SREBF2: variants seen among roughly 807,000 people sequenced by gnomAD.
SREBF2 encodes sterol regulatory element binding transcription factor 2.
A neutral mutation model predicts 113.1 loss-of-function variants in SREBF2; 55 were observed. That is an observed-to-expected ratio of 0.49 (90% CI 0.39 to 0.61). The LOEUF (loss-of-function observed/expected upper bound fraction) is 0.61, where lower values mean the gene tolerates loss of function less well. Ranked by LOEUF, SREBF2 falls within the 20% of genes least tolerant of loss-of-function variation. SREBF2 has a pLI of 0.00. For synonymous variants in SREBF2, 593 were observed against 605.7 expected, an observed-to-expected ratio of 0.98 and a Z score of 0.31; for missense variants, 1,349 against 1,487.4, an observed-to-expected ratio of 0.91 and a Z score of 1.53.
intron 11 of SREBF2, chr22:41,886,158 G>C (rs1408625573): frequency 6.6e-6 from 1 of 152,228 alleles, no homozygotes; most frequent in Non-Finnish European, 1.5e-5. Flanking sequence ...GGAGGACTGG[G>C]CTCCAGGTGG....
In SREBF2 at chr22:41,883,090, A is replaced by G. The variant is rs558952361; in HGVS notation, c.2039-1752A>G. ...TGTGCCACTGCACATGCATGCAGAGATGAACAGATAGAGGATGGGGAGTCA... is the reference window on the plus strand; with the variant it reads ...TGTGCCACTGCACATGCATGCAGAGGTGAACAGATAGAGGATGGGGAGTCA... On this transcript the variant is annotated intron_variant, in intron 10 of 18. Transcript: ENST00000361204. Among the ~76,000 whole-genome samples, 42 of 152,328 alleles carry G rather than the reference A, an allele frequency of 2.8e-4. No individual in the cohort carries two copies. In the South Asian group the frequency reaches 6.8e-3, roughly 25 times the overall value.
chr22:41,893,094 C>T (rs1367843765), intron 11 of SREBF2, 23 bp from the exon 12 acceptor site: 1 of 1,611,948 alleles, frequency 6.2e-7, no homozygotes, highest in Non-Finnish European at 8.5e-7. Context: ...TTGGTGTTAC[C>T]CCTGGTCCTT....
rs764016168 is a variant in SREBF2, at chr22:41,894,934, G to A, written c.2492G>A (p.Ser831Asn). The A allele has an allele frequency of 6.2e-7, 1 of 1,613,558 alleles. No homozygotes were observed. Among genetic ancestry groups the A allele is most frequent in the Non-Finnish European group, 8.5e-7 (1 of 1,179,650 alleles). ...KKKAGDQEEE[S>N]CEFSSALEYL... Reference sequence around the variant, plus strand: ...AAGGCTGGAGACCAGGAAGAAGAGAGCTGGTAAAGTCCCCAGACCAGTCCC... The same window carrying A: ...AAGGCTGGAGACCAGGAAGAAGAGAACTGGTAAAGTCCCCAGACCAGTCCC... The change falls in exon 13 of 19, where the codon AGC becomes AAC. Residue 831 changes from serine to asparagine, a missense_variant. Ser to Asn is a conservative substitution (Grantham distance 46). Around this residue, in one of 2 missense-constraint regions of SREBF2, gnomAD observed 650 missense variants for 644.1 expected, o/e 1.01. Coordinates refer to ENST00000361204, the MANE Select transcript of SREBF2 (RefSeq NM_004599.4).
At chr22:41,878,830 T>G in intron 9 of SREBF2, 1 of 1,025,584 alleles carries the variant, frequency 9.8e-7, no homozygotes, top group South Asian at 1.3e-5. Flanking sequence ...TTGGCCATCC[T>G]GGATCTGTCA....
chr22:41,872,382 G>A (rs1437215424), intron 4 of SREBF2, among the ~76,000 whole-genome samples: 1 of 152,048 alleles, frequency 6.6e-6, no homozygotes, highest in Non-Finnish European at 1.5e-5. Context: ...AAGGAGGGGA[G>A]GGGCATGCGG....
At position 41,905,422 on chromosome 22, in the gene SREBF2, C is replaced by T; in HGVS notation, c.3206-18C>T. Reference sequence around the variant, plus strand: ...TCATGGTAGATTCTCGGTTGTGACACACATCTCCTTCCCACAGGAGAGGTG... The same window carrying T: ...TCATGGTAGATTCTCGGTTGTGACATACATCTCCTTCCCACAGGAGAGGTG... On this transcript the variant is annotated intron_variant, in intron 18 of 18. Transcript: ENST00000361204. 1.3e-6 allele frequency: 2 copies of T among 1,558,228 alleles called. No homozygotes were observed. The highest frequency in any genetic ancestry group is 1.2e-5 in the South Asian group (1 of 85,006).
At chr22:41,891,724 G>A (rs949340966) in intron 11 of SREBF2, among the ~76,000 whole-genome samples, 5 of 152,144 alleles carry the variant, frequency 3.3e-5, no homozygotes, top group South Asian at 2.1e-4. Flanking sequence ...TGCGGGCCTC[G>A]GCCTGGCAGC....
intron 17 of SREBF2, among the ~76,000 whole-genome samples, chr22:41,903,714 A>AT (rs1419188128): frequency 6.6e-6 from 1 of 152,024 alleles, no homozygotes; most frequent in African/African-American, 2.4e-5. Context: ...TTGTACCTGT[A>AT]TTTTTTTCTA....
chr22:41,870,695 C>T (rs1014288045), intron 3 of SREBF2, among the ~76,000 whole-genome samples, 194 bp from the exon 4 acceptor site: 5 of 151,152 alleles, frequency 3.3e-5, no homozygotes, highest in African/African-American at 4.9e-5. Context: ...CACCTGAACC[C>T]GGTATTCAGG....
intron 1 of SREBF2, among the ~76,000 whole-genome samples, chr22:41,843,466 C>T (rs1157639536): frequency 1.3e-5 from 2 of 152,226 alleles, no homozygotes; most frequent in Non-Finnish European, 2.9e-5. Context: ...TCTCATAATA[C>T]GTTTTTGCAT....
At chr22:41,848,975 G>C (rs1440126074) in intron 1 of SREBF2, among the ~76,000 whole-genome samples, 1 of 152,012 alleles carries the variant, frequency 6.6e-6, no homozygotes, top group Non-Finnish European at 1.5e-5. Flanking sequence ...AAAAATAAGG[G>C]AGCCACAGTG....
intron 15 of SREBF2, chr22:41,899,981 A>C: frequency 8.2e-7 from 1 of 1,214,022 alleles, no homozygotes; most frequent in Non-Finnish European, 1.0e-6. Flanking sequence ...GTGGTCCCTT[A>C]AAGAACGGGT....
At chr22:41,850,779 C>T (rs1222824036) in intron 1 of SREBF2, among the ~76,000 whole-genome samples, 1 of 152,016 alleles carries the variant, frequency 6.6e-6, no homozygotes, top group Non-Finnish European at 1.5e-5. Flanking sequence ...TAGCCTCTGT[C>T]CCCTGGGCTG....
intron 1 of SREBF2, among the ~76,000 whole-genome samples, chr22:41,849,235 C>T (rs2076905196): frequency 6.6e-6 from 1 of 151,952 alleles, no homozygotes; most frequent in South Asian, 2.1e-4. Flanking sequence ...CTGTGTTGCC[C>T]AGGCTGGAGT....
chr22:41,845,403 T>C (rs2076868853), intron 1 of SREBF2, among the ~76,000 whole-genome samples: 1 of 152,230 alleles, frequency 6.6e-6, no homozygotes, highest in East Asian at 1.9e-4. Context: ...GATGCCTTGA[T>C]TCAGGAAGCC....
chr22:41,873,571 TGTG>T (rs2077165836), intron 4 of SREBF2: 2 of 578,248 alleles, frequency 3.5e-6, no homozygotes, highest in Non-Finnish European at 6.2e-6. Flanking sequence ...TTAATCCTCT[TGTG>T]GTGTAGTTTA....
At chr22:41,898,611 G>C (rs749193968) in intron 14 of SREBF2, 38 bp from the exon 15 acceptor site, 2 of 1,613,620 alleles carry the variant, frequency 1.2e-6, no homozygotes, top group Admixed American at 3.3e-5. Context: ...TCTCGTTTCT[G>C]TGGGTGCTGG....
chr22:41,885,480 A>G, intron 11 of SREBF2: 1 of 202,932 alleles, frequency 4.9e-6, no homozygotes, highest in Non-Finnish European at 1.0e-5. Context: ...GCCAAGCTAC[A>G]GAGTTAAAGA....
chr22:41,855,802 G>A (rs574791156), intron 1 of SREBF2, among the ~76,000 whole-genome samples: 85 of 151,390 alleles, frequency 5.6e-4, no homozygotes, highest in African/African-American at 2.0e-3. Flanking sequence ...GTTGTTCCAG[G>A]CTTGAGTACA....
Sources: gnomAD v4.1 joint callset for allele counts (sites outside exome capture counted in the v4.1 genomes callset) on GRCh38, gnomAD v4.1.1 for gene constraint, gnomAD v4.1.1 regional missense constraint, MANE v1.5 for transcripts, NCBI Gene and HGNC (gene_info 2026-07-23, HGNC 2026-07-21) for gene names.